The following FERMT1 variants were observed in gnomAD, a reference collection of about 807,000 sequenced individuals.
The protein encoded by FERMT1 is fermitin family homolog 1.
Under a neutral mutation model 85.3 loss-of-function variants are expected in FERMT1, and 60 were observed. The observed-to-expected ratio is 0.70, with a 90% CI of 0.57 to 0.87. The LOEUF (loss-of-function observed/expected upper bound fraction) is 0.87, where lower values mean the gene tolerates loss of function less well. Ranked by LOEUF, FERMT1 falls within the 40% of genes least tolerant of loss-of-function variation. The pLI is 0.00. For synonymous variants in FERMT1, 275 were observed against 301.1 expected (o/e 0.91, Z 0.90); for missense variants, 701 against 818.9 (o/e 0.86, Z 1.76).
chr20:6,087,647 C>A, intron 11 of FERMT1, 130 bp downstream of exon 11: 1 of 724,220 alleles, frequency 1.4e-6, no homozygotes, highest in Non-Finnish European at 2.6e-6. Flanking sequence ...TTTTGTTACA[C>A]TGTGATTGTT....
chr20:6,091,911 G>C (rs1166191430), intron 9 of FERMT1, among the ~76,000 whole-genome samples: 1 of 151,736 alleles, frequency 6.6e-6, no homozygotes, highest in East Asian at 1.9e-4. Context: ...GAACGAGCGA[G>C]ACAGGCTCTC....
At chr20:6,080,877 C>A (rs1445920680) in intron 13 of FERMT1, among the ~76,000 whole-genome samples, 1 of 152,120 alleles carries the variant, frequency 6.6e-6, no homozygotes. Flanking sequence ...ATCTCCAGTT[C>A]AAGAGACAGT....
intron 13 of FERMT1, among the ~76,000 whole-genome samples, chr20:6,080,090 G>T (rs894503540): frequency 1.3e-5 from 2 of 152,166 alleles, no homozygotes; most frequent in Admixed American, 6.5e-5. Context: ...TATGCATGAG[G>T]ATGTGAGCCG....
At chr20:6,095,096 A>G in intron 8 of FERMT1, 108 bp from the exon 9 acceptor site, 1 of 699,818 alleles carries the variant, frequency 1.4e-6, no homozygotes, top group Non-Finnish European at 2.6e-6. Flanking sequence ...GCCTATTTAA[A>G]TTTGAATTAA....
chr20:6,096,781 T>A, intron 8 of FERMT1, 121 bp downstream of exon 8: 5 of 974,266 alleles, frequency 5.1e-6, no homozygotes, highest in Non-Finnish European at 7.6e-6. Context: ...GTGAAGAGCA[T>A]CTTTTTTTTT....
chr20:6,095,079 T>A, intron 8 of FERMT1, 91 bp from the exon 9 acceptor site: 1 of 738,110 alleles, frequency 1.4e-6, no homozygotes, highest in Non-Finnish European at 2.5e-6. Context: ...AGTCCCTTGC[T>A]ATATGTGCCT....
chr20:6,107,639 A>C lies in FERMT1; in HGVS notation c.747-5T>G, dbSNP rs749478111. 8 of 1,558,796 alleles carry C rather than the reference A, an allele frequency of 5.1e-6. No individual in the cohort carries two copies. Among genetic ancestry groups the C allele is most frequent in the Non-Finnish European group, 7.1e-6 (8 of 1,130,056 alleles). The stretch of plus-strand genomic sequence containing the variant: ...GAGCGTGAGGAGTCTAGCCAACTAG[A>C]AAATGACAGCATGAGTTTTAGAAGC... On this transcript the variant is annotated splice_region_variant and splice_polypyrimidine_tract_variant and intron_variant, in intron 5 of 14. Transcript: ENST00000217289.
intron 2 of FERMT1, 103 bp from the exon 3 acceptor site, chr20:6,116,147 C>T: frequency 1.2e-6 from 1 of 813,376 alleles, no homozygotes; most frequent in Admixed American, 2.0e-5. Flanking sequence ...TGGAAACCAA[C>T]AACTGATCTC....
rs192413630 is a variant in FERMT1, at chr20:6,106,302, A to T, written c.849+1230T>A. ...TGACAAGGGACAAGGTTTGTTTTGA[A>T]GATGGCAGTTGGGGAAACAGTGGAA... is the stretch of plus-strand genomic sequence containing the variant. On this transcript the variant is annotated intron_variant, in intron 6 of 14. Coordinates refer to ENST00000217289, the MANE Select transcript of FERMT1 (RefSeq NM_017671.5). Among the ~76,000 whole-genome samples, 144 of 152,288 alleles carry T rather than the reference A, an allele frequency of 9.5e-4. 1 individual carries two copies. Among genetic ancestry groups the T allele is most frequent in the Admixed American group, 4.9e-3 (75 of 15,290 alleles).
In FERMT1 at chr20:6,076,671, T is replaced by C. The variant is rs1286201005; in HGVS notation, c.*502A>G. On this transcript the variant is annotated 3_prime_UTR_variant, in exon 15 of 15. Transcript: ENST00000217289. ...CCTTGGCCTCCAGGGAAAAAGTGTGTGTAGGAACTCCCTCTGCCATTTTGA... is the reference window on the plus strand; with the variant it reads ...CCTTGGCCTCCAGGGAAAAAGTGTGCGTAGGAACTCCCTCTGCCATTTTGA... 1.2e-5 allele frequency: 4 copies of C among 336,316 alleles called. No homozygotes were observed. Among genetic ancestry groups the C allele is most frequent in the African/African-American group, 4.3e-5 (2 of 46,324 alleles). The allele number at this position is 336,316 out of a possible 1,614,324, so 20.8% of individuals were successfully genotyped here.
chr20:6,082,708 G>T (rs572457393), intron 13 of FERMT1, among the ~76,000 whole-genome samples: 34 of 152,200 alleles, frequency 2.2e-4, no homozygotes, highest in Non-Finnish European at 4.0e-4. Context: ...TAGGCTGGAG[G>T]GCAGTGGCGC....
chr20:6,077,982 C>CGT (rs1600421691), intron 14 of FERMT1, among the ~76,000 whole-genome samples: 1 of 149,230 alleles, frequency 6.7e-6, no homozygotes, highest in East Asian at 1.9e-4. Context: ...ACCCGGCCTG[C>CGT]AGGCTCTTTA....
At chr20:6,117,315 C>G (rs922817127) in intron 2 of FERMT1, among the ~76,000 whole-genome samples, 3 of 152,094 alleles carry the variant, frequency 2.0e-5, no homozygotes, top group Non-Finnish European at 4.4e-5. Flanking sequence ...GTTGCCCAGG[C>G]TGGAGTGCAG....
At chr20:6,110,955 T>C (rs1982931147) in intron 4 of FERMT1, among the ~76,000 whole-genome samples, 1 of 152,186 alleles carries the variant, frequency 6.6e-6, no homozygotes, top group Non-Finnish European at 1.5e-5. Flanking sequence ...TTTTGTTTTT[T>C]AGACGGAGTC....
At chr20:6,085,509 A>T (rs566607631) in intron 11 of FERMT1, among the ~76,000 whole-genome samples, 4 of 152,280 alleles carry the variant, frequency 2.6e-5, no homozygotes, top group Admixed American at 2.6e-4. Context: ...AGGCTAGAGG[A>T]TAGGAATGTC....
intron 6 of FERMT1, among the ~76,000 whole-genome samples, chr20:6,099,112 T>G (rs776939070): frequency 1.3e-5 from 2 of 152,106 alleles, no homozygotes; most frequent in Non-Finnish European, 2.9e-5. Context: ...TAAAAAGGAA[T>G]GAAATTCTGG....
rs539954959 is a variant in FERMT1, at chr20:6,117,317, G to A, written c.152-1273C>T. 2.1e-4 allele frequency among the ~76,000 whole-genome samples: 32 copies of A among 152,090 alleles called. 1 individual carries two copies. Among genetic ancestry groups the A allele is most frequent in the Middle Eastern group, 3.4e-3 (1 of 294 alleles). Reference sequence around the variant, plus strand: ...AGAGTCTCACTCTGTTGCCCAGGCTGGAGTGCAGTGGCATGATCTCGGCTC... The same window carrying A: ...AGAGTCTCACTCTGTTGCCCAGGCTAGAGTGCAGTGGCATGATCTCGGCTC... On this transcript the variant is annotated intron_variant, in intron 2 of 14. Transcript: ENST00000217289.
rs557887918 is a variant in FERMT1, at chr20:6,079,202, G to A, written c.1860+234C>T. Among the ~76,000 whole-genome samples the A allele has an allele frequency of 3.9e-5, 6 of 152,354 alleles. No individual in the cohort carries two copies. The South Asian group carries it at 1.2e-3, about 32-fold the overall frequency. On this transcript the variant is annotated intron_variant, in intron 14 of 14. Transcript: ENST00000217289. ...ATTTCAGAACCTGTCTGTATTGAAA[G>A]TCTGCATGGAGACTAAGCCAACTTG...
chr20:6,078,218 GT>G (rs999756677), intron 14 of FERMT1, among the ~76,000 whole-genome samples: 3 of 152,202 alleles, frequency 2.0e-5, no homozygotes, highest in African/African-American at 7.2e-5. Context: ...AGGCAGTGGT[GT>G]TTTAAAGCTC....
Sources: allele counts gnomAD v4.1 joint callset (sites outside exome capture counted in the v4.1 genomes callset), GRCh38; gene constraint gnomAD v4.1.1; transcripts MANE v1.5; gene names NCBI Gene and HGNC (gene_info 2026-07-23, HGNC 2026-07-21).